SDK2: variants seen among roughly 807,000 people sequenced by gnomAD.
SDK2 encodes protein sidekick-2.
A neutral mutation model predicts 253.9 loss-of-function variants in SDK2; 105 were observed. The observed-to-expected ratio is 0.41, with a 90% CI of 0.35 to 0.49. SDK2 has a LOEUF of 0.49. Among genes scored for constraint, SDK2 ranks in the 20% least tolerant of loss-of-function variants. The pLI is 0.06. For synonymous variants in SDK2, 1,249 were observed against 1,234.9 expected (o/e 1.01, Z -0.24); for missense variants, 2,608 against 3,003.0 (o/e 0.87, Z 3.07).
chr17:73,389,179 CTTTCT>C (rs1472902475), intron 29 of SDK2, among the ~76,000 whole-genome samples: 3 of 131,894 alleles, frequency 2.3e-5, no homozygotes, highest in African/African-American at 9.1e-5. Flanking sequence ...GCTGATATTC[CTTTCT>C]TTTTTTTTTT....
chr17:73,552,458 C>T (rs1198460396), intron 1 of SDK2, among the ~76,000 whole-genome samples: 3 of 152,170 alleles, frequency 2.0e-5, no homozygotes, highest in East Asian at 1.9e-4. Flanking sequence ...ACTGGAGTGG[C>T]GCAGGGGACC....
chr17:73,354,141 A>G (rs1320084790), intron 40 of SDK2, among the ~76,000 whole-genome samples: 2 of 152,108 alleles, frequency 1.3e-5, no homozygotes, highest in African/African-American at 4.8e-5. Context: ...TCCTGGGCTC[A>G]AGCGATCCTC....
At chr17:73,485,711 T>A (rs948039465) in intron 2 of SDK2, among the ~76,000 whole-genome samples, 1 of 152,214 alleles carries the variant, frequency 6.6e-6, no homozygotes, top group Non-Finnish European at 1.5e-5. Flanking sequence ...TATATGATAT[T>A]CAAATTTCTG....
intron 1 of SDK2, among the ~76,000 whole-genome samples, chr17:73,592,986 T>A (rs1242935601): frequency 8.0e-6 from 1 of 125,374 alleles, no homozygotes; most frequent in East Asian, 2.7e-4. Flanking sequence ...CACCCCAGAG[T>A]GGTGTGGGAC....
At chr17:73,552,962 G>A (rs977972285) in intron 1 of SDK2, among the ~76,000 whole-genome samples, 1 of 152,230 alleles carries the variant, frequency 6.6e-6, no homozygotes, top group Non-Finnish European at 1.5e-5. Context: ...GCTCAGACCC[G>A]TTTGGGTTCT....
chr17:73,485,289 G>A (rs2063762981), intron 2 of SDK2, among the ~76,000 whole-genome samples: 1 of 152,140 alleles, frequency 6.6e-6, no homozygotes. Flanking sequence ...AGGGGGCGAG[G>A]GAAGAAAAGG....
intron 1 of SDK2, among the ~76,000 whole-genome samples, chr17:73,608,713 G>GCTCCC (rs2045937520): frequency 6.6e-6 from 1 of 152,210 alleles, no homozygotes; most frequent in South Asian, 2.1e-4. Flanking sequence ...AAAGTGCTGG[G>GCTCCC]ATTATAGGTG....
At chr17:73,345,166 A>G (rs2062472116) in intron 44 of SDK2, among the ~76,000 whole-genome samples, 1 of 152,132 alleles carries the variant, frequency 6.6e-6, no homozygotes, top group Admixed American at 6.5e-5. Flanking sequence ...TAAAAATACA[A>G]AAATTAGCTT....
chr17:73,369,663 CCTTT>C (rs1331928474), intron 36 of SDK2, among the ~76,000 whole-genome samples: 6 of 152,206 alleles, frequency 3.9e-5, no homozygotes, highest in African/African-American at 1.2e-4. Context: ...GTTTTCTCTT[CCTTT>C]CTGTTTTTTG....
At chr17:73,568,232 C>T (rs566515131) in intron 1 of SDK2, among the ~76,000 whole-genome samples, 7 of 152,282 alleles carry the variant, frequency 4.6e-5, no homozygotes, top group Admixed American at 3.3e-4. Flanking sequence ...GGCACCTTCT[C>T]CCCCTCTCTC....
chr17:73,421,452 TTGCTAGAGGTGGC>T (rs1251361760), intron 15 of SDK2, among the ~76,000 whole-genome samples: 1 of 152,216 alleles, frequency 6.6e-6, no homozygotes, highest in African/African-American at 2.4e-5. Flanking sequence ...GACATCTTTC[TTGCTAGAGGTGGC>T]TGCTTGTTCT....
intron 18 of SDK2, among the ~76,000 whole-genome samples, chr17:73,405,265 C>T: frequency 7.6e-6 from 1 of 131,390 alleles, no homozygotes; most frequent in African/African-American, 2.8e-5. Flanking sequence ...ACATGTGAAA[C>T]CCCGTCTCTA....
chr17:73,477,889 C>G (rs919293819), intron 2 of SDK2, among the ~76,000 whole-genome samples: 4 of 152,220 alleles, frequency 2.6e-5, no homozygotes, highest in African/African-American at 9.6e-5. Context: ...CTCTATTCAA[C>G]GAGGAAGAGC....
intron 1 of SDK2, chr17:73,641,175 A>AAG (rs2046393911): frequency 6.6e-6 from 1 of 152,260 alleles, no homozygotes; most frequent in African/African-American, 2.4e-5. Context: ...GCAGGGTACC[A>AAG]TTCTTCATGG....
Position 73,467,966 on chromosome 17 carries a change from C to G in SDK2, c.331+4146G>C. ...ACTCCAAGGTGTCCTATTCCTTTGC[C>G]AGGGGCCTTACCCATATGTGCACAG... is the stretch of plus-strand genomic sequence containing the variant. On this transcript the variant is annotated intron_variant, in intron 3 of 44. Coordinates refer to ENST00000392650, the MANE Select transcript of SDK2 (RefSeq NM_001144952.2). This position sits in a 1 kb window ranked among gnomAD's most constrained non-coding sequence, Gnocchi z 4.1. Among the ~76,000 whole-genome samples, 1 of 152,318 alleles carries G rather than the reference C, an allele frequency of 6.6e-6. No homozygotes were observed. Among genetic ancestry groups the G allele is most frequent in the South Asian group, 2.1e-4 (1 of 4,828 alleles).
intron 1 of SDK2, among the ~76,000 whole-genome samples, chr17:73,549,236 G>A (rs1484096172): frequency 6.6e-6 from 1 of 152,208 alleles, no homozygotes; most frequent in East Asian, 1.9e-4. Flanking sequence ...AGAGGAGTGG[G>A]AAGAGAGGAG....
intron 44 of SDK2, among the ~76,000 whole-genome samples, chr17:73,347,843 T>G (rs1380865741): frequency 6.6e-6 from 1 of 152,186 alleles, no homozygotes; most frequent in Non-Finnish European, 1.5e-5. Context: ...TCTGAAGCTC[T>G]GTGTCTTCCA....
intron 40 of SDK2, among the ~76,000 whole-genome samples, chr17:73,355,174 A>ATATATATATATATTTTTTTTTTTT: frequency 1.3e-4 from 6 of 47,238 alleles, no homozygotes; most frequent in Admixed American, 1.8e-4. Context: ...ATATATATAT[A>ATATATATATATATTTTTTTTTTTT]TTTTTTTTTT....
intron 18 of SDK2, among the ~76,000 whole-genome samples, chr17:73,414,131 T>A (rs2063161133): frequency 1.3e-5 from 2 of 151,102 alleles, no homozygotes; most frequent in African/African-American, 4.9e-5. Flanking sequence ...CACTGCAACC[T>A]CCGCCTCCCA....
Sources: allele counts gnomAD v4.1 joint callset (sites outside exome capture counted in the v4.1 genomes callset), GRCh38; gene constraint gnomAD v4.1.1; non-coding constraint Gnocchi (gnomAD v3.1); transcripts MANE v1.5; gene names NCBI Gene and HGNC (gene_info 2026-07-23, HGNC 2026-07-21).